The following KCNC2 variants were observed in gnomAD, a reference collection of about 807,000 sequenced individuals.
KCNC2 encodes the protein voltage-gated potassium channel KCNC2.
KCNC2 carries 21 observed loss-of-function variants against 44.5 expected under a neutral mutation model. That is an observed-to-expected ratio of 0.47 (90% CI 0.33 to 0.68). KCNC2 has a LOEUF of 0.68. Ranked by LOEUF, KCNC2 falls within the 30% of genes least tolerant of loss-of-function variation. The pLI is 0.01. For missense variants in KCNC2, 589 were observed against 826.2 expected (o/e 0.71, Z 3.52); for synonymous variants, 391 against 339.1 (o/e 1.15, Z -1.68).
intron 2 of KCNC2, among the ~76,000 whole-genome samples, chr12:75,175,291 C>T (rs1161191659): frequency 3.9e-5 from 6 of 152,076 alleles, no homozygotes; most frequent in Admixed American, 1.3e-4. Context: ...AGCTTCTTAT[C>T]CCAAATGGAT....
At chr12:75,094,580 G>A (rs2137147524) in intron 2 of KCNC2, among the ~76,000 whole-genome samples, 1 of 151,612 alleles carries the variant, frequency 6.6e-6, no homozygotes, top group East Asian at 1.9e-4. Context: ...TTTAAATATA[G>A]CCCCTCTGCC....
chr12:75,140,058 T>C (rs936831096), intron 2 of KCNC2: 1 of 152,106 alleles, frequency 6.6e-6, no homozygotes, highest in Admixed American at 6.5e-5. Context: ...ATTTGGACAG[T>C]GTTTAGCTGA....
intron 2 of KCNC2, among the ~76,000 whole-genome samples, chr12:75,115,738 G>A (rs1032258278): frequency 6.6e-6 from 1 of 152,028 alleles, no homozygotes; most frequent in Non-Finnish European, 1.5e-5. Flanking sequence ...CTCTACTTGT[G>A]TGATTCTTCG....
intron 2 of KCNC2, among the ~76,000 whole-genome samples, chr12:75,147,051 C>T (rs1039664597): frequency 6.6e-6 from 1 of 152,010 alleles, no homozygotes; most frequent in African/African-American, 2.4e-5. Flanking sequence ...ATTTTAGGTG[C>T]AATAAGAGAG....
At chr12:75,051,648 CCAAAA>C (rs1364737444) in intron 2 of KCNC2, among the ~76,000 whole-genome samples, 1 of 151,864 alleles carries the variant, frequency 6.6e-6, no homozygotes, top group Non-Finnish European at 1.5e-5. Context: ...TGAAAACACA[CCAAAA>C]CAAAAGAGAA....
chr12:75,123,092 T>C (rs1193937051), intron 2 of KCNC2, among the ~76,000 whole-genome samples: 2 of 152,044 alleles, frequency 1.3e-5, no homozygotes, highest in African/African-American at 4.8e-5. Flanking sequence ...TAAAATGAAA[T>C]AAAGATTGGA....
chr12:75,123,386 T>A (rs1313348900), intron 2 of KCNC2, among the ~76,000 whole-genome samples: 1 of 152,166 alleles, frequency 6.6e-6, no homozygotes, highest in East Asian at 1.9e-4. Context: ...TTAAATGTTT[T>A]AAAAATACAC....
At position 75,042,370 on chromosome 12, in the gene KCNC2, G is replaced by C. The variant is rs1188739691; in HGVS notation, c.*735C>G. The C allele has an allele frequency of 1.9e-6, 3 of 1,610,966 alleles. No individual in the cohort carries two copies. The highest frequency in any genetic ancestry group is 2.7e-5 in the African/African-American group (2 of 74,694). ...AACCAGTAATGACAACCTCTTTGCA[G>C]TTATCTGTGTGCAAACAACCAGAGA... On this transcript the variant is annotated 3_prime_UTR_variant, in exon 5 of 5. Transcript: ENST00000549446.
At chr12:75,130,490 G>A (rs1409076200) in intron 2 of KCNC2, among the ~76,000 whole-genome samples, 2 of 152,064 alleles carry the variant, frequency 1.3e-5, no homozygotes, top group African/African-American at 4.8e-5. Flanking sequence ...GTGTAACTAA[G>A]CTTTATGCTA....
chr12:75,041,593 T>G lies in KCNC2; in HGVS notation c.*1512A>C, dbSNP rs190247075. On this transcript the variant is annotated 3_prime_UTR_variant, in exon 5 of 5. Transcript: ENST00000549446. ...CAATACATGAGACACGCTATTGCTG[T>G]TGAATTCATAGGAATGCATAAATAG... 1.6e-4 allele frequency: 164 copies of G among 1,043,446 alleles called. 2 individuals are homozygous for G. In the East Asian group the frequency reaches 0.011, roughly 69 times the overall value. 64.6% of individuals were successfully genotyped at this position (1,043,446 alleles called of 1,614,324 possible). A position where few individuals can be genotyped will look rare whatever the true frequency, so the allele number is the denominator to read the frequency against.
intron 2 of KCNC2, among the ~76,000 whole-genome samples, chr12:75,110,302 G>A (rs1340142805): frequency 3.3e-5 from 5 of 152,106 alleles, no homozygotes; most frequent in African/African-American, 9.7e-5. Flanking sequence ...TCTATACAAA[G>A]TAGGTAACTT....
At chr12:75,055,484 A>G (rs980830813) in intron 2 of KCNC2, among the ~76,000 whole-genome samples, 1 of 152,062 alleles carries the variant, frequency 6.6e-6, no homozygotes, top group East Asian at 1.9e-4. Flanking sequence ...TTTCCCTGTG[A>G]TAAGACCAAA....
chr12:75,207,386 C>T lies in KCNC2; in HGVS notation c.598G>A (p.Gly200Ser). 6 of 1,582,504 alleles carry T rather than the reference C, an allele frequency of 3.8e-6. No homozygotes were observed. The highest frequency in any genetic ancestry group is 5.1e-6 in the Non-Finnish European group (6 of 1,165,620). ...CAGCGGCCAGATTTGCCGTCGGGGC[C>T]CCCGAGCCCCGCCGCGTCCTCGATG... ...LGIEDAAGLGGPDGKSGRWRR... is the reference protein window; with the variant it reads ...LGIEDAAGLGSPDGKSGRWRR... The change falls in exon 2 of 5, where the codon GGC becomes AGC. Residue 200 changes from glycine (G) to serine (S), a missense_variant. Coordinates refer to ENST00000549446, the MANE Select transcript of KCNC2 (RefSeq NM_139137.4). This position sits in a 1 kb window ranked among gnomAD's most constrained non-coding sequence, Gnocchi z 4.1.
intron 2 of KCNC2, among the ~76,000 whole-genome samples, chr12:75,076,189 T>G (rs1281253715): frequency 6.6e-6 from 1 of 152,184 alleles, no homozygotes; most frequent in Non-Finnish European, 1.5e-5. Context: ...TACAGCAGAC[T>G]TAAGAATATC....
At chr12:75,169,834 T>A (rs1891694355) in intron 2 of KCNC2, among the ~76,000 whole-genome samples, 1 of 151,706 alleles carries the variant, frequency 6.6e-6, no homozygotes, top group Non-Finnish European at 1.5e-5. Context: ...TGTCTTGGAA[T>A]CTCTTATCCT....
intron 2 of KCNC2, among the ~76,000 whole-genome samples, chr12:75,197,376 G>A (rs2030863025): frequency 6.6e-6 from 1 of 151,798 alleles, no homozygotes; most frequent in Non-Finnish European, 1.5e-5. Flanking sequence ...AAGCCTTCAT[G>A]TTTGCTCACT....
chr12:75,176,159 T>C (rs1227775242), intron 2 of KCNC2, among the ~76,000 whole-genome samples: 1 of 152,066 alleles, frequency 6.6e-6, no homozygotes, highest in Non-Finnish European at 1.5e-5. Flanking sequence ...ACTGTGTGCC[T>C]GGAATGGCAG....
chr12:75,113,957 A>T (rs1202949660), intron 2 of KCNC2, among the ~76,000 whole-genome samples: 1 of 152,182 alleles, frequency 6.6e-6, no homozygotes, highest in Non-Finnish European at 1.5e-5. Flanking sequence ...TTTATTTGTA[A>T]GCCTATATCT....
In KCNC2 at chr12:75,123,367, C is replaced by A. The variant is rs544904645; in HGVS notation, c.688-72050G>T. 3.9e-5 allele frequency among the ~76,000 whole-genome samples: 6 copies of A among 152,288 alleles called. No homozygotes were observed. The East Asian group carries it at 5.8e-4, about 15-fold the overall frequency. Reference sequence around the variant, plus strand: ...TAAAAATAGATACAATAAAATACTTCTCTTCTAATTAAATGTTTTAAAAAT... The same window carrying A: ...TAAAAATAGATACAATAAAATACTTATCTTCTAATTAAATGTTTTAAAAAT... On this transcript the variant is annotated intron_variant, in intron 2 of 4. Transcript: ENST00000549446.
Sources: allele counts gnomAD v4.1 joint callset (sites outside exome capture counted in the v4.1 genomes callset), GRCh38; gene constraint gnomAD v4.1.1; non-coding constraint Gnocchi (gnomAD v3.1); transcripts MANE v1.5; gene names NCBI Gene and HGNC (gene_info 2026-07-23, HGNC 2026-07-21).